RHBDD1: variants seen among roughly 807,000 people sequenced by gnomAD.
RHBDD1 encodes the protein rhomboid-related protein 4.
Under a neutral mutation model 36.3 loss-of-function variants are expected in RHBDD1, and 38 were observed. The ratio of observed to expected loss-of-function variants is 1.05; its 90% confidence interval spans 0.81 to 1.37. RHBDD1 has a LOEUF of 1.37. Ranked by LOEUF, RHBDD1 falls within the 40% of genes most tolerant of loss-of-function variation. The pLI is 0.00. For synonymous variants in RHBDD1, 151 were observed against 136.5 expected (o/e 1.11, Z -0.74); for missense variants, 393 against 377.6 (o/e 1.04, Z -0.34).
At position 226,857,031 on chromosome 2, in the gene RHBDD1, C is replaced by CT. The variant is rs1943398378; in HGVS notation, c.-90-7566dup. On this transcript the variant is annotated intron_variant, in intron 3 of 8. Transcript: ENST00000392062. Reference sequence around the variant, plus strand: ...CAGGACAGTTTCTGTGTGGTTTCACCTTTTTTTCTGAAGATTTCTCTTGAC... The same window carrying CT: ...CAGGACAGTTTCTGTGTGGTTTCACCTTTTTTTTCTGAAGATTTCTCTTGAC... 3.9e-5 allele frequency among the ~76,000 whole-genome samples: 6 copies of CT among 152,040 alleles called. No individual in the cohort carries two copies. In the South Asian group the frequency reaches 1.2e-3, roughly 32 times the overall value.
chr2:226,923,559 T>G, intron 8 of RHBDD1, among the ~76,000 whole-genome samples: 1 of 152,140 alleles, frequency 6.6e-6, no homozygotes, highest in East Asian at 1.9e-4. Flanking sequence ...ATTGACATCT[T>G]TCTCTAGGTT....
chr2:226,851,790 C>G (rs1316573519), intron 3 of RHBDD1, among the ~76,000 whole-genome samples: 2 of 152,170 alleles, frequency 1.3e-5, no homozygotes, highest in African/African-American at 4.8e-5. Flanking sequence ...TAGAGCATTT[C>G]CTAAATCTGC....
chr2:226,995,368 C>T (rs376315458), intron 8 of RHBDD1, 63 bp from the exon 9 acceptor site: 3 of 1,006,718 alleles, frequency 3.0e-6, no homozygotes, highest in East Asian at 2.4e-5. Flanking sequence ...CCTTGGAATC[C>T]TAGGGTACAC....
In RHBDD1 at chr2:226,998,438, T is replaced by C. The variant is rs1467721359; in HGVS notation, c.*2916T>C. 1 of 152,226 alleles carries C rather than the reference T, an allele frequency of 6.6e-6. No individual in the cohort carries two copies. Among genetic ancestry groups the C allele is most frequent in the Non-Finnish European group, 1.5e-5 (1 of 68,046 alleles). The allele number at this position is 152,226 out of a possible 1,614,324, so 9.4% of individuals were successfully genotyped here. ...GCGAGAATGGGGTAGCTGGCAGACCTGGCCTCCTTGTTCCCAGTCTTAGTT... is the reference window on the plus strand; with the variant it reads ...GCGAGAATGGGGTAGCTGGCAGACCCGGCCTCCTTGTTCCCAGTCTTAGTT... On this transcript the variant is annotated 3_prime_UTR_variant, in exon 9 of 9. Coordinates refer to ENST00000392062, the MANE Select transcript of RHBDD1 (RefSeq NM_001167608.3).
intron 5 of RHBDD1, among the ~76,000 whole-genome samples, chr2:226,882,913 A>G (rs1009234755): frequency 6.6e-6 from 1 of 152,160 alleles, no homozygotes; most frequent in Admixed American, 6.6e-5. Flanking sequence ...CTCATGTGGC[A>G]AGGAGAGAGA....
chr2:226,846,129 T>C (rs1942193570), intron 3 of RHBDD1, among the ~76,000 whole-genome samples: 1 of 152,236 alleles, frequency 6.6e-6, no homozygotes, highest in Non-Finnish European at 1.5e-5. Flanking sequence ...ATATTATATG[T>C]ATTTATCTTA....
intron 6 of RHBDD1, chr2:226,907,127 A>AC: frequency 1.8e-6 from 1 of 566,462 alleles, no homozygotes; most frequent in East Asian, 3.0e-5. Flanking sequence ...ATATATTTAT[A>AC]CCCTCAACCT....
intron 3 of RHBDD1, among the ~76,000 whole-genome samples, chr2:226,842,651 G>T (rs1050474848): frequency 5.3e-5 from 8 of 152,092 alleles, no homozygotes; most frequent in Non-Finnish European, 1.5e-5. Context: ...CTATGTATCT[G>T]TTCTTGTACC....
At chr2:226,836,021 A>G (rs923959890), upstream of RHBDD1, 2 of 152,602 alleles carry the variant, frequency 1.3e-5, no homozygotes, top group African/African-American at 4.8e-5. Flanking sequence ...GGCGCCCCGG[A>G]TCGGGAACGT....
At chr2:226,975,083 T>C (rs1010923208) in intron 8 of RHBDD1, among the ~76,000 whole-genome samples, 4 of 152,176 alleles carry the variant, frequency 2.6e-5, no homozygotes, top group Middle Eastern at 3.2e-3. Flanking sequence ...AGCTCCTCCT[T>C]CCATTTAGTT....
At chr2:226,839,798 T>C (rs754317791) in intron 3 of RHBDD1, among the ~76,000 whole-genome samples, 171 bp downstream of exon 3, 1 of 152,098 alleles carries the variant, frequency 6.6e-6, no homozygotes, top group Non-Finnish European at 1.5e-5. Flanking sequence ...AGGAATTAGC[T>C]TTTTAAAAAA....
rs541457720 is a variant in RHBDD1 at position 226,995,549 on chromosome 2, A to G, written c.*27A>G. 5.2e-5 allele frequency: 75 copies of G among 1,455,536 alleles called. 1 individual carries two copies. In the South Asian group the frequency reaches 8.3e-4, roughly 16 times the overall value. The allele number at this position is 1,455,536 out of a possible 1,614,324, so 90.2% of individuals were successfully genotyped here. On this transcript the variant is annotated 3_prime_UTR_variant, in exon 9 of 9. Coordinates refer to ENST00000392062, the MANE Select transcript of RHBDD1 (RefSeq NM_001167608.3). ...GTGGCATCTTGGGAAGACATGGCCT[A>G]TTCGTGTAATTATTGCCCATTTGGC... is the stretch of plus-strand genomic sequence containing the variant.
chr2:226,948,249 G>C (rs1254569635), intron 8 of RHBDD1, among the ~76,000 whole-genome samples: 1 of 147,986 alleles, frequency 6.8e-6, no homozygotes, highest in Admixed American at 6.8e-5. Flanking sequence ...AAAAAATGAT[G>C]AGTTCATGTC....
chr2:226,848,385 C>G (rs905049875), intron 3 of RHBDD1, among the ~76,000 whole-genome samples: 1 of 152,154 alleles, frequency 6.6e-6, no homozygotes, highest in South Asian at 2.1e-4. Flanking sequence ...TATTCCTATG[C>G]CAAGATGATG....
At chr2:226,885,059 G>A (rs1412773410) in intron 5 of RHBDD1, among the ~76,000 whole-genome samples, 1 of 152,050 alleles carries the variant, frequency 6.6e-6, no homozygotes, top group East Asian at 1.9e-4. Flanking sequence ...TCTATCAGTG[G>A]CTAATAAATG....
intron 8 of RHBDD1, among the ~76,000 whole-genome samples, chr2:226,974,066 G>A (rs1053344567): frequency 7.2e-5 from 11 of 152,034 alleles, no homozygotes; most frequent in Non-Finnish European, 1.6e-4. Flanking sequence ...ACAGATGGCC[G>A]GCGTTTGTCT....
rs934952607 is a variant in RHBDD1, at chr2:226,997,844, T to C, written c.*2322T>C. 1 of 152,232 alleles carries C rather than the reference T, an allele frequency of 6.6e-6. No homozygotes were observed. The highest frequency in any genetic ancestry group is 2.4e-5 in the African/African-American group (1 of 41,450). The allele number at this position is 152,232 out of a possible 1,614,324, so 9.4% of individuals were successfully genotyped here. A position where few individuals can be genotyped will look rare whatever the true frequency, so the allele number is the denominator to read the frequency against. On this transcript the variant is annotated 3_prime_UTR_variant, in exon 9 of 9. Transcript: ENST00000392062. ...ACAATAAAGATGTTCTGGAAATTATTATAATTATTTTAGTTAATGGACTTG... is the reference window on the plus strand; with the variant it reads ...ACAATAAAGATGTTCTGGAAATTATCATAATTATTTTAGTTAATGGACTTG...
the RHBDD1 span, among the ~76,000 whole-genome samples, chr2:226,816,895 A>G: frequency 7.2e-6 from 1 of 139,700 alleles, no homozygotes; most frequent in Admixed American, 7.1e-5. Context: ...CGCCATCTCA[A>G]AAAAACCACA....
chr2:226,924,578 C>G, intron 8 of RHBDD1, among the ~76,000 whole-genome samples: 1 of 152,198 alleles, frequency 6.6e-6, no homozygotes. Context: ...AGCACAGCAC[C>G]AGAGCTTACC....
Sources: gnomAD v4.1 joint callset for allele counts (sites outside exome capture counted in the v4.1 genomes callset) on GRCh38, gnomAD v4.1.1 for gene constraint, MANE v1.5 for transcripts, NCBI Gene and HGNC (gene_info 2026-07-23, HGNC 2026-07-21) for gene names.